The following ATP13A4 variants were observed in gnomAD, a reference collection of about 807,000 sequenced individuals.
The protein encoded by ATP13A4 is probable cation-transporting ATPase 13A4.
Under a neutral mutation model 142.5 loss-of-function variants are expected in ATP13A4, and 114 were observed. The ratio of observed to expected loss-of-function variants is 0.80; its 90% CI spans 0.69 to 0.93. ATP13A4 has a LOEUF of 0.93. ATP13A4 is among the 40% of genes least tolerant of loss of function. ATP13A4 has a pLI of 0.00. For missense variants in ATP13A4, 1,392 were observed against 1,454.0 expected (o/e 0.96, Z 0.69); for synonymous variants, 488 against 514.8 (o/e 0.95, Z 0.70).
rs1285207879 is a variant in ATP13A4 at position 193,578,295 on chromosome 3, A to AAATATC, written n.291+3406_291+3411dup. Among the ~76,000 whole-genome samples the AAATATC allele has an allele frequency of 2.5e-5, 3 of 121,098 alleles. No individual in the cohort carries two copies. The Admixed American group carries it at 2.7e-4, about 11-fold the overall frequency. 79.4% of individuals were successfully genotyped at this position (121,098 alleles called of 152,430 possible). A position where few individuals can be genotyped will look rare whatever the true frequency, so the allele number is the denominator to read the frequency against. ...GCAACAGAGTGAGACTCCATCTCAG[A>AAATATC]AATATCTATATCTATATCTATATCT... On this transcript the variant is annotated intron_variant and non_coding_transcript_variant, in intron 2 of 3. Transcript: ENST00000489140.
chr3:193,551,556 C>G (rs949806732), intron 1 of ATP13A4, among the ~76,000 whole-genome samples: 2 of 152,212 alleles, frequency 1.3e-5, no homozygotes, highest in Non-Finnish European at 2.9e-5. Flanking sequence ...GATAGCAGCT[C>G]ACACCTCGCC....
At chr3:193,519,251 A>C (rs1434698385) in intron 1 of ATP13A4, among the ~76,000 whole-genome samples, 1 of 152,206 alleles carries the variant, frequency 6.6e-6, no homozygotes, top group Admixed American at 6.5e-5. Context: ...CTTAATACTA[A>C]ATGACCAACA....
In ATP13A4 at chr3:193,466,118, C is replaced by A. The variant is rs747280555; in HGVS notation, c.1179G>T (p.Gln393His). 4.3e-6 allele frequency: 7 copies of A among 1,614,028 alleles called. No homozygotes were observed. In the African/African-American group the frequency reaches 8.0e-5, roughly 18 times the overall value. Residue 393 changes from glutamine to histidine, a missense_variant, in exon 11 of 30, where the codon CAG becomes CAT. By Grantham distance (24) the Gln-to-His change is conservative. Coordinates refer to ENST00000342695, the MANE Select transcript of ATP13A4 (RefSeq NM_032279.4). ...GGAACCTGATGGCATCCCTGTACAA[C>A]TGAAAATTCACTGGCTTAGGGTAGA... ...SILYPKPVNF[Q>H]LYRDAIRFLL...
intron 8 of ATP13A4, among the ~76,000 whole-genome samples, chr3:193,477,350 G>T (rs1719024745): frequency 6.6e-6 from 1 of 151,948 alleles, no homozygotes; most frequent in African/African-American, 2.4e-5. Context: ...GATGAAAAAA[G>T]ATTCATTAAG....
upstream of ATP13A4, among the ~76,000 whole-genome samples, chr3:193,557,945 C>T (rs534363259): frequency 7.9e-5 from 12 of 152,346 alleles, no homozygotes; most frequent in South Asian, 2.5e-3. Context: ...CCATCAGCCT[C>T]ACTGCAGCAT....
At chr3:193,403,720 T>C in intron 29 of ATP13A4, 1 of 969,510 alleles carries the variant, frequency 1.0e-6, no homozygotes, top group Non-Finnish European at 1.2e-6. Flanking sequence ...TAACTTATAA[T>C]TCATGAGAGG....
chr3:193,447,467 C>T (rs1009370892), intron 18 of ATP13A4, among the ~76,000 whole-genome samples: 77 of 152,030 alleles, frequency 5.1e-4, no homozygotes, highest in African/African-American at 1.8e-3. Context: ...AATGTATCTT[C>T]GTGACATAAA....
intron 1 of ATP13A4, among the ~76,000 whole-genome samples, chr3:193,531,674 A>C (rs537941307): frequency 3.0e-4 from 46 of 152,328 alleles, no homozygotes; most frequent in Non-Finnish European, 6.6e-4. Flanking sequence ...AAGATGGATG[A>C]CATGAAGGTC....
intron 15 of ATP13A4, 112 bp from the exon 16 acceptor site, chr3:193,457,265 C>G: frequency 1.9e-6 from 3 of 1,568,030 alleles, no homozygotes; most frequent in Non-Finnish European, 2.6e-6. Context: ...GAAGGTCTCA[C>G]CCATTTTCAC....
At chr3:193,439,936 G>A (rs891547712) in intron 21 of ATP13A4, among the ~76,000 whole-genome samples, 1 of 152,176 alleles carries the variant, frequency 6.6e-6, no homozygotes, top group East Asian at 1.9e-4. Context: ...GTTGTGACAC[G>A]ATGACCAAGA....
chr3:193,507,072 T>C (rs1040341006), intron 2 of ATP13A4, among the ~76,000 whole-genome samples: 2 of 152,156 alleles, frequency 1.3e-5, no homozygotes, highest in African/African-American at 2.4e-5. Flanking sequence ...CTCTCTTGTA[T>C]AGTTCACTAC....
At chr3:193,510,128 G>A (rs1721066088) in intron 2 of ATP13A4, among the ~76,000 whole-genome samples, 2 of 152,146 alleles carry the variant, frequency 1.3e-5, no homozygotes, top group Admixed American at 6.5e-5. Flanking sequence ...AGACCAAGTT[G>A]CAGAGGAGGA....
intron 25 of ATP13A4, among the ~76,000 whole-genome samples, chr3:193,427,336 T>A (rs1037436826): frequency 3.3e-5 from 5 of 152,306 alleles, no homozygotes; most frequent in African/African-American, 1.2e-4. Flanking sequence ...TCCATCCTCA[T>A]GGATAGGAAG....
chr3:193,489,586 G>T, intron 7 of ATP13A4, 144 bp downstream of exon 7: 1 of 807,610 alleles, frequency 1.2e-6, no homozygotes, highest in South Asian at 1.6e-5. Context: ...TTGAACACTG[G>T]TTACTGTGCT....
At chr3:193,442,698 C>T (rs1258005216) in intron 18 of ATP13A4, 142 bp from the exon 19 acceptor site, 1 of 790,252 alleles carries the variant, frequency 1.3e-6, no homozygotes, top group African/African-American at 1.7e-5. Flanking sequence ...TCAGCCCTGA[C>T]CTTCTGTGAC....
chr3:193,506,403 A>C (rs1720862633), intron 2 of ATP13A4, among the ~76,000 whole-genome samples: 2 of 152,218 alleles, frequency 1.3e-5, no homozygotes, highest in African/African-American at 4.8e-5. Context: ...ACTCTAAAAA[A>C]ATAGGTTTTA....
rs1714253955 is a variant in ATP13A4, at chr3:193,401,344, G to A, written c.*1308C>T. On this transcript the variant is annotated 3_prime_UTR_variant, in exon 30 of 30. Transcript: ENST00000342695. ...TCAAATATAACCAAATTGTAATAGT[G>A]ACAAAATAAGGACAATTTTAGTTTT... Among the ~76,000 whole-genome samples the A allele has an allele frequency of 4.6e-5, 7 of 151,872 alleles. 1 individual carries two copies.
chr3:193,512,444 T>G (rs1361073148), intron 2 of ATP13A4, among the ~76,000 whole-genome samples: 1 of 152,226 alleles, frequency 6.6e-6, no homozygotes, highest in Non-Finnish European at 1.5e-5. Context: ...ATATACCATC[T>G]GAGCCATACA....
chr3:193,589,140 A>C (rs796127609), intron 1 of ATP13A4, among the ~76,000 whole-genome samples: 2 of 151,970 alleles, frequency 1.3e-5, no homozygotes, highest in Non-Finnish European at 2.9e-5. Flanking sequence ...ACTCTGTCTC[A>C]AAACAAACAA....
Sources: gnomAD v4.1 joint callset for allele counts (sites outside exome capture counted in the v4.1 genomes callset) on GRCh38, gnomAD v4.1.1 for gene constraint, MANE v1.5 for transcripts, NCBI Gene and HGNC (gene_info 2026-07-23, HGNC 2026-07-21) for gene names.